Variants in TRAPPC9 observed in about 807,000 individuals in gnomAD.
TRAPPC9 encodes IKK2 binding protein.
A neutral mutation model predicts 124.0 loss-of-function variants in TRAPPC9; 83 were observed. The observed-to-expected ratio is 0.67, with a 90% CI of 0.56 to 0.80. The LOEUF is 0.80. TRAPPC9 is among the 30% of genes least tolerant of loss of function. The pLI, the probability that TRAPPC9 is intolerant of heterozygous loss-of-function variation, is 0.00. For missense variants in TRAPPC9, 1,302 were observed against 1,508.3 expected, an observed-to-expected ratio of 0.86 and a Z score of 2.27; for synonymous variants, 638 against 617.5, an observed-to-expected ratio of 1.03 and a Z score of -0.49.
intron 21 of TRAPPC9, among the ~76,000 whole-genome samples, chr8:139,868,071 G>A (rs1828663492): frequency 6.6e-6 from 1 of 152,210 alleles, no homozygotes; most frequent in Admixed American, 6.5e-5. Context: ...ATTCTAAAAT[G>A]GTTCAGGCTG....
chr8:140,444,035 CAAAAAAAAAAAAAAAA>C (rs35121401), intron 2 of TRAPPC9, among the ~76,000 whole-genome samples: 1 of 40,912 alleles, frequency 2.4e-5, no homozygotes, highest in African/African-American at 1.1e-4. Flanking sequence ...GACTCCATCT[CAAAAAAAAAAAAAAAA>C]AAAAAAAAAG....
chr8:140,441,045 C>T (rs888809646), intron 2 of TRAPPC9, among the ~76,000 whole-genome samples: 1 of 134,610 alleles, frequency 7.4e-6, no homozygotes, highest in Admixed American at 8.6e-5. Flanking sequence ...GTGGCACAAT[C>T]ACAGCTCACT....
At chr8:139,950,768 T>G (rs1458476750) in intron 19 of TRAPPC9, among the ~76,000 whole-genome samples, 4 of 152,130 alleles carry the variant, frequency 2.6e-5, no homozygotes, top group Non-Finnish European at 4.4e-5. Flanking sequence ...ATTCAGCAAC[T>G]GACAATTCAA....
chr8:139,778,921 C>T (rs760380382), intron 21 of TRAPPC9, among the ~76,000 whole-genome samples: 1 of 152,068 alleles, frequency 6.6e-6, no homozygotes, highest in Non-Finnish European at 1.5e-5. Context: ...ATCCAAGAAG[C>T]TACACAAATC....
At chr8:140,232,356 G>A (rs2063619731) in intron 16 of TRAPPC9, among the ~76,000 whole-genome samples, 1 of 151,992 alleles carries the variant, frequency 6.6e-6, no homozygotes, top group Non-Finnish European at 1.5e-5. Flanking sequence ...AAGATCTTGG[G>A]GAGCAAGTGG....
chr8:140,168,758 T>A (rs2061901043), intron 17 of TRAPPC9, among the ~76,000 whole-genome samples: 1 of 152,228 alleles, frequency 6.6e-6, no homozygotes, highest in Non-Finnish European at 1.5e-5. Flanking sequence ...GGCCAGGCCA[T>A]CCAGATGTGG....
chr8:140,397,222 G>A (rs546959134), intron 7 of TRAPPC9, among the ~76,000 whole-genome samples: 1 of 152,274 alleles, frequency 6.6e-6, no homozygotes, highest in East Asian at 1.9e-4. Flanking sequence ...TTACCACTGT[G>A]TCAAAGGAGC....
In TRAPPC9 at chr8:139,828,922, T is replaced by C. The variant is rs111953913; in HGVS notation, c.3055+56957A>G. Among the ~76,000 whole-genome samples the C allele has an allele frequency of 7.6e-3, 1,153 of 152,294 alleles. 17 individuals carry two copies. Among genetic ancestry groups the C allele is most frequent in the African/African-American group, 0.026 (1,074 of 41,552 alleles). ...AAATGACAGATTCATTTGAATAAAA[T>C]CAGCTAAAGATACCCAACTATTCTA... On this transcript the variant is annotated intron_variant, in intron 21 of 22. Coordinates refer to ENST00000438773, the MANE Select transcript of TRAPPC9 (RefSeq NM_001160372.4).
intron 21 of TRAPPC9, among the ~76,000 whole-genome samples, chr8:139,882,191 G>C (rs1829716048): frequency 6.6e-6 from 1 of 152,206 alleles, no homozygotes; most frequent in African/African-American, 2.4e-5. Flanking sequence ...TTTGCAGGCG[G>C]TAGGGATTTA....
At chr8:140,202,724 T>C (rs181209719) in intron 17 of TRAPPC9, among the ~76,000 whole-genome samples, 56 of 152,368 alleles carry the variant, frequency 3.7e-4, no homozygotes, top group Admixed American at 1.3e-3. Flanking sequence ...AGGCTCTCAT[T>C]GCCCTATCCA....
chr8:139,847,569 G>A (rs573907418), intron 21 of TRAPPC9, among the ~76,000 whole-genome samples: 9 of 137,954 alleles, frequency 6.5e-5, no homozygotes, highest in African/African-American at 1.4e-4. Context: ...GTCCCCTGGC[G>A]GCGTGGCCTG....
intron 17 of TRAPPC9, among the ~76,000 whole-genome samples, chr8:140,154,161 C>A (rs2130844939): frequency 6.6e-6 from 1 of 152,270 alleles, no homozygotes; most frequent in Non-Finnish European, 1.5e-5. Flanking sequence ...AACACCTTTC[C>A]TTTCCCACGT....
chr8:140,443,207 G>A (rs113382501), intron 2 of TRAPPC9, among the ~76,000 whole-genome samples: 10,636 of 139,952 alleles, frequency 0.076, 1,264 homozygotes, highest in African/African-American at 0.25. Flanking sequence ...AGGCCAAGGC[G>A]GGCAGATCAC....
At chr8:140,308,359 T>A (rs1233260357) in intron 10 of TRAPPC9, among the ~76,000 whole-genome samples, 2 of 150,702 alleles carry the variant, frequency 1.3e-5, no homozygotes, top group African/African-American at 4.9e-5. Flanking sequence ...GCTCTCCAAA[T>A]GTTCCAAAGA....
chr8:140,395,955 A>T lies in TRAPPC9; in HGVS notation c.1134+1665T>A, dbSNP rs1220938533. ...CCACAGCCGGCCGCTGACCCTTTCC[A>T]CGTAGACTCCCAAGCACGTTTCCAG... On this transcript the variant is annotated intron_variant, in intron 7 of 22. Transcript: ENST00000438773. Among the ~76,000 whole-genome samples the T allele has an allele frequency of 2.0e-5, 3 of 151,624 alleles. No homozygotes were observed. In the East Asian group the frequency reaches 5.8e-4, roughly 29 times the overall value.
At chr8:139,808,868 G>A (rs1404897542) in intron 21 of TRAPPC9, among the ~76,000 whole-genome samples, 1 of 152,298 alleles carries the variant, frequency 6.6e-6, no homozygotes, top group East Asian at 1.9e-4. Flanking sequence ...TGATGGATAG[G>A]TAAACAAAAA....
chr8:139,917,881 G>C (rs772460231), intron 19 of TRAPPC9, among the ~76,000 whole-genome samples: 1 of 152,180 alleles, frequency 6.6e-6, no homozygotes, highest in Non-Finnish European at 1.5e-5. Context: ...AATACTGCTC[G>C]TTGTTAACAA....
At chr8:139,732,346 G>C in intron 21 of TRAPPC9, 144 bp from the exon 22 acceptor site, 1 of 759,770 alleles carries the variant, frequency 1.3e-6, no homozygotes, top group Non-Finnish European at 2.1e-6. Flanking sequence ...GGACACTGGG[G>C]ACACAGATGT....
At chr8:140,127,963 G>A (rs992083170) in intron 17 of TRAPPC9, among the ~76,000 whole-genome samples, 1 of 152,216 alleles carries the variant, frequency 6.6e-6, no homozygotes, top group Non-Finnish European at 1.5e-5. Context: ...TAAGCAGTGT[G>A]GTGGCTTTTG....
Sources: gnomAD v4.1 joint callset for allele counts (sites outside exome capture counted in the v4.1 genomes callset) on GRCh38, gnomAD v4.1.1 for gene constraint, MANE v1.5 for transcripts, NCBI Gene and HGNC (gene_info 2026-07-23, HGNC 2026-07-21) for gene names.